PCDH15: variants seen among roughly 807,000 people sequenced by gnomAD.
PCDH15 encodes the protein protocadherin-15.
PCDH15 carries 129 observed loss-of-function variants against 178.5 expected under a neutral mutation model. The ratio of observed to expected loss-of-function variants is 0.72; its 90% CI spans 0.63 to 0.84. The LOEUF is 0.84. PCDH15 is among the 40% of genes least tolerant of loss of function. PCDH15 has a pLI of 0.00. For missense variants in PCDH15, 2,230 were observed against 2,099.9 expected, an observed-to-expected ratio of 1.06 and a Z score of -1.21; for synonymous variants, 800 against 732.0, an observed-to-expected ratio of 1.09 and a Z score of -1.50.
chr10:55,450,461 C>T (rs779094778), intron 2 of PCDH15, among the ~76,000 whole-genome samples: 2 of 152,140 alleles, frequency 1.3e-5, no homozygotes, highest in Non-Finnish European at 2.9e-5. Context: ...TCTTCAGGAA[C>T]GCACCTAATA....
chr10:54,009,013 T>C (rs1369570708), intron 20 of PCDH15, among the ~76,000 whole-genome samples: 1 of 152,128 alleles, frequency 6.6e-6, no homozygotes, highest in Non-Finnish European at 1.5e-5. Context: ...CAAAATCATA[T>C]TTCAAAATAC....
chr10:54,071,943 A>G (rs188959929), intron 17 of PCDH15, among the ~76,000 whole-genome samples: 43 of 152,244 alleles, frequency 2.8e-4, no homozygotes. Context: ...TAGAACACAC[A>G]ATGTCAGCTC....
chr10:54,163,423 G>A (rs2045911257), intron 13 of PCDH15, among the ~76,000 whole-genome samples: 3 of 152,008 alleles, frequency 2.0e-5, no homozygotes, highest in South Asian at 2.1e-4. Context: ...GAGAGAGAGC[G>A]AGAGGAGAAG....
intron 26 of PCDH15, among the ~76,000 whole-genome samples, chr10:53,878,324 T>TAATATATTCTATATAC (rs2080414110): frequency 1.4e-5 from 1 of 70,942 alleles, no homozygotes; most frequent in Non-Finnish European, 2.8e-5. Flanking sequence ...TCTATATATA[T>TAATATATTCTATATAC]AGTCTATATA....
At chr10:54,659,196 G>A (rs7100520) in intron 2 of PCDH15, among the ~76,000 whole-genome samples, 3,601 of 152,130 alleles carry the variant, frequency 0.024, 138 homozygotes, top group African/African-American at 0.082. Context: ...TAATCTGTCT[G>A]GTGACAGCAC....
chr10:55,535,894 A>G (rs183917214), intron 2 of PCDH15, among the ~76,000 whole-genome samples: 30 of 152,190 alleles, frequency 2.0e-4, no homozygotes, highest in Admixed American at 5.2e-4. Flanking sequence ...TCATCAGACC[A>G]TACCTTATAT....
Position 54,133,447 on chromosome 10 carries a change from G to A in PCDH15, c.1785-440C>T, listed in dbSNP as rs1028590189. 1.6e-4 allele frequency among the ~76,000 whole-genome samples: 25 copies of A among 152,108 alleles called. 1 individual carries two copies. Among genetic ancestry groups the A allele is most frequent in the Non-Finnish European group, 3.1e-4 (21 of 68,026 alleles). On this transcript the variant is annotated intron_variant, in intron 14 of 37. Transcript: ENST00000644397. ...ACTCACAAAACAAATTATGGGCTGC[G>A]TTTTATCAGTTCTGTTGCTGACATC...
At chr10:54,721,976 C>T (rs1941694515) in intron 1 of PCDH15, among the ~76,000 whole-genome samples, 1 of 151,842 alleles carries the variant, frequency 6.6e-6, no homozygotes, top group African/African-American at 2.4e-5. Context: ...CAACAAAATA[C>T]TAGCAAACCA....
At chr10:55,211,905 C>A (rs1314532109) in intron 1 of PCDH15, among the ~76,000 whole-genome samples, 1 of 151,996 alleles carries the variant, frequency 6.6e-6, no homozygotes, top group Non-Finnish European at 1.5e-5. Flanking sequence ...GAGTCCTTGG[C>A]AGCTTCCCTT....
At chr10:54,377,712 C>A (rs1271849494) in intron 4 of PCDH15, among the ~76,000 whole-genome samples, 1 of 152,018 alleles carries the variant, frequency 6.6e-6, no homozygotes, top group Non-Finnish European at 1.5e-5. Context: ...AAGCTGGGAA[C>A]TTGTGGGTAA....
rs899331765 is a variant in PCDH15 at position 54,993,748 on chromosome 10, C to A, written c.-79-96248G>T. ...TGCTGAGATATCTCTGGAAATGGTGCTAAAAAGAGAGGAATTAGTAATACA... is the reference window on the plus strand; with the variant it reads ...TGCTGAGATATCTCTGGAAATGGTGATAAAAAGAGAGGAATTAGTAATACA... On this transcript the variant is annotated intron_variant, in intron 2 of 5. Transcript: ENST00000458638. 4.0e-5 allele frequency among the ~76,000 whole-genome samples: 6 copies of A among 151,886 alleles called. No individual in the cohort carries two copies. In the South Asian group the frequency reaches 1.3e-3, roughly 32 times the overall value.
intron 1 of PCDH15, among the ~76,000 whole-genome samples, chr10:54,727,603 A>G (rs560566055): frequency 6.6e-6 from 1 of 151,214 alleles, no homozygotes; most frequent in African/African-American, 2.4e-5. Flanking sequence ...TCAGACCTGA[A>G]CTGAACAAAA....
intron 7 of PCDH15, among the ~76,000 whole-genome samples, chr10:54,323,336 C>T (rs2061725994): frequency 6.6e-6 from 1 of 152,108 alleles, no homozygotes; most frequent in Admixed American, 6.6e-5. Flanking sequence ...ACCAAGCTAC[C>T]ATTCAACCTA....
At position 54,734,285 on chromosome 10, in the gene PCDH15, A is replaced by G. The variant is rs560670982; in HGVS notation, c.-29+66640T>C. Among the ~76,000 whole-genome samples the G allele has an allele frequency of 2.0e-4, 30 of 152,000 alleles. 1 individual carries two copies. The South Asian group carries it at 6.2e-3, about 31-fold the overall frequency. Reference sequence around the variant, plus strand: ...GCACTTTACCAAAGAAGAAATATGGACTGCAACTAAGCAAATGAGAAGATG... The same window carrying G: ...GCACTTTACCAAAGAAGAAATATGGGCTGCAACTAAGCAAATGAGAAGATG... On this transcript the variant is annotated intron_variant, in intron 1 of 37. Transcript: ENST00000644397.
At chr10:54,185,081 A>T (rs1179967561) in intron 12 of PCDH15, 53 bp downstream of exon 12, 1 of 1,586,160 alleles carries the variant, frequency 6.3e-7, no homozygotes, top group Non-Finnish European at 8.7e-7. Flanking sequence ...CCATACAAAC[A>T]TACATACATA....
At chr10:54,156,534 GC>G (rs1302491644) in intron 13 of PCDH15, among the ~76,000 whole-genome samples, 1 of 152,128 alleles carries the variant, frequency 6.6e-6, no homozygotes, top group Non-Finnish European at 1.5e-5. Flanking sequence ...GGAAAGACTT[GC>G]CCCAATGATT....
At chr10:55,027,115 C>T (rs1840493662) in intron 2 of PCDH15, among the ~76,000 whole-genome samples, 1 of 150,750 alleles carries the variant, frequency 6.6e-6, no homozygotes, top group African/African-American at 2.4e-5. Flanking sequence ...AGATAACAAG[C>T]AAATTTTTAA....
intron 2 of PCDH15, among the ~76,000 whole-genome samples, chr10:55,557,909 G>A (rs1240069242): frequency 6.6e-6 from 1 of 152,096 alleles, no homozygotes; most frequent in Non-Finnish European, 1.5e-5. Flanking sequence ...GAGAGAAAGA[G>A]CATTGGGGAA....
intron 1 of PCDH15, among the ~76,000 whole-genome samples, chr10:55,255,329 C>T (rs1841964920): frequency 6.6e-6 from 1 of 152,320 alleles, no homozygotes; most frequent in South Asian, 2.1e-4. Flanking sequence ...GTATGTGCCA[C>T]ATTTTCTTAA....
Sources: gnomAD v4.1 joint callset for allele counts (sites outside exome capture counted in the v4.1 genomes callset) on GRCh38, gnomAD v4.1.1 for gene constraint, MANE v1.5 for transcripts, NCBI Gene and HGNC (gene_info 2026-07-23, HGNC 2026-07-21) for gene names.